Variants in GPR89B observed in about 807,000 individuals in gnomAD.
GPR89B encodes golgi pH regulator B, also known as G protein-coupled receptor 89B.
GPR89B carries 25 observed loss-of-function variants against 52.4 expected under a neutral mutation model. The ratio of observed to expected loss-of-function variants is 0.48; its 90% confidence interval spans 0.35 to 0.67. The LOEUF (loss-of-function observed/expected upper bound fraction) is 0.67, where lower values mean the gene tolerates loss of function less well. GPR89B is among the 30% of genes least tolerant of loss of function. The pLI is 0.01. For synonymous variants in GPR89B, 52 were observed against 151.2 expected, an observed-to-expected ratio of 0.34 and a Z score of 4.81; for missense variants, 146 against 450.2, an observed-to-expected ratio of 0.32 and a Z score of 6.11.
At chr1:147,931,512 C>G (rs1451696567) in intron 1 of GPR89B, among the ~76,000 whole-genome samples, 1 of 151,502 alleles carries the variant, frequency 6.6e-6, no homozygotes, top group Admixed American at 6.6e-5. Context: ...CCTCTATAAT[C>G]TTGCCAGAAT....
intron 5 of GPR89B, among the ~76,000 whole-genome samples, chr1:147,947,411 G>A (rs1332300629): frequency 1.3e-5 from 2 of 151,630 alleles, no homozygotes; most frequent in African/African-American, 4.8e-5. Flanking sequence ...TTCTTGTGCT[G>A]TGTCTGAACC....
intron 3 of GPR89B, 62 bp from the exon 4 acceptor site, chr1:147,943,376 A>G: frequency 3.8e-6 from 6 of 1,597,836 alleles, no homozygotes; most frequent in South Asian, 1.1e-5. Context: ...TTGGAAGACT[A>G]AAGAGAAAGA....
intron 10 of GPR89B, among the ~76,000 whole-genome samples, chr1:147,981,196 A>G (rs1178661372): frequency 9.7e-5 from 14 of 144,974 alleles, no homozygotes; most frequent in Non-Finnish European, 2.1e-4. Flanking sequence ...GGCCAGGCAC[A>G]GTGGCAGATG....
chr1:148,021,713 C>G, the GPR89B span: 1 of 151,744 alleles, frequency 6.6e-6, no homozygotes, highest in South Asian at 2.1e-4. Context: ...CCCCAAAACT[C>G]ATTTCTATCA....
chr1:147,929,941 T>TA (rs1653409348), intron 1 of GPR89B, among the ~76,000 whole-genome samples: 1 of 152,214 alleles, frequency 6.6e-6, no homozygotes, highest in South Asian at 2.1e-4. Flanking sequence ...GTGCCCTTGG[T>TA]GACAACTCAG....
In GPR89B at chr1:147,954,367, G is replaced by A. The variant is rs2149060166; in HGVS notation, c.582G>A (p.Leu194=). 1 of 329,908 alleles carries A rather than the reference G, an allele frequency of 3.0e-6. No individual in the cohort carries two copies. Among genetic ancestry groups the A allele is most frequent in the African/African-American group, 2.8e-5 (1 of 36,330 alleles). 20.4% of individuals were successfully genotyped at this position (329,908 alleles called of 1,614,324 possible). Residue 194 remains leucine, a synonymous_variant, in exon 7 of 14, where the codon CTG becomes CTA. Coordinates refer to ENST00000314163, the MANE Select transcript of GPR89B (RefSeq NM_016334.5). Reference sequence around the variant, plus strand: ...TTCTAGCCCTGGAACGGCGACTGCTGCAAACCATGGATATGATCATAAGCA... The same window carrying A: ...TTCTAGCCCTGGAACGGCGACTGCTACAAACCATGGATATGATCATAAGCA... ...TDILALERRL[L]QTMDMIISKK...
chr1:147,994,020 A>G (rs1428946955), downstream of GPR89B: 42 of 851,794 alleles, frequency 4.9e-5, no homozygotes, highest in Non-Finnish European at 6.1e-5. Flanking sequence ...ACATCATCAT[A>G]CAGAGAAATG....
intron 1 of GPR89B, among the ~76,000 whole-genome samples, chr1:147,931,672 TC>T (rs1178044056): frequency 6.6e-6 from 1 of 151,968 alleles, no homozygotes; most frequent in Non-Finnish European, 1.5e-5. Context: ...GTACAAATGA[TC>T]CGGTCACCCA....
chr1:147,980,898 C>G (rs1218460494), intron 10 of GPR89B, among the ~76,000 whole-genome samples: 3 of 148,500 alleles, frequency 2.0e-5, no homozygotes, highest in Admixed American at 6.7e-5. Flanking sequence ...AATTCCCACT[C>G]CCTCAGCCCT....
At chr1:148,009,543 A>G in the GPR89B span, 1 of 1,559,314 alleles carries the variant, frequency 6.4e-7, no homozygotes, top group East Asian at 2.2e-5. Context: ...ATCCCCATCC[A>G]GAACTAGTAA....
At chr1:147,935,415 G>A (rs1251091324) in intron 1 of GPR89B, among the ~76,000 whole-genome samples, 1 of 152,138 alleles carries the variant, frequency 6.6e-6, no homozygotes, top group Non-Finnish European at 1.5e-5. Context: ...ATTCATAAGG[G>A]TCCTAGCCAG....
chr1:147,971,233 T>A (rs1468565593), intron 10 of GPR89B, among the ~76,000 whole-genome samples: 1 of 151,142 alleles, frequency 6.6e-6, no homozygotes, highest in Non-Finnish European at 1.5e-5. Flanking sequence ...CACTGCAACC[T>A]CTGCCTCCTG....
chr1:147,968,427 A>G (rs1457549872), intron 8 of GPR89B: 7 of 454,616 alleles, frequency 1.5e-5, no homozygotes, highest in Non-Finnish European at 3.1e-5. Flanking sequence ...AAAAGAAATA[A>G]GGTAATGTCT....
chr1:147,932,712 A>G (rs1553247237), intron 1 of GPR89B, among the ~76,000 whole-genome samples: 1 of 151,920 alleles, frequency 6.6e-6, no homozygotes. Context: ...AACCATTCTT[A>G]CCTCCTTTCC....
At chr1:148,024,024 G>A in the GPR89B span, among the ~76,000 whole-genome samples, 1 of 147,060 alleles carries the variant, frequency 6.8e-6, no homozygotes, top group Non-Finnish European at 1.5e-5. Flanking sequence ...GTCTGATGTT[G>A]AGAATGATAT....
chr1:147,937,318 G>A (rs1553248119), intron 2 of GPR89B, among the ~76,000 whole-genome samples: 2 of 152,058 alleles, frequency 1.3e-5, no homozygotes, highest in South Asian at 2.1e-4. Flanking sequence ...GCTGGAAAGG[G>A]CAGTAAAATC....
chr1:148,013,189 A>T, the GPR89B span, among the ~76,000 whole-genome samples: 6 of 152,096 alleles, frequency 3.9e-5, no homozygotes, highest in East Asian at 1.2e-3. Context: ...GAAGATAGGC[A>T]TTCAAGGGAC....
chr1:147,950,421 C>T (rs1289535444), intron 5 of GPR89B, among the ~76,000 whole-genome samples: 26 of 151,610 alleles, frequency 1.7e-4, no homozygotes. Flanking sequence ...GGTATGGCGG[C>T]CGGGCAGAGA....
At chr1:147,953,208 CATT>C in intron 5 of GPR89B, 134 bp from the exon 6 acceptor site, 7 of 1,256,898 alleles carry the variant, frequency 5.6e-6, no homozygotes, top group Non-Finnish European at 7.9e-6. Context: ...ATAATCTACA[CATT>C]AATAATTAAA....
Sources: gnomAD v4.1 joint callset for allele counts (sites outside exome capture counted in the v4.1 genomes callset) on GRCh38, gnomAD v4.1.1 for gene constraint, MANE v1.5 for transcripts, NCBI Gene and HGNC (gene_info 2026-07-23, HGNC 2026-07-21) for gene names.